DSCAM: variants seen among roughly 807,000 people sequenced by gnomAD.
DSCAM encodes DS cell adhesion molecule, also known as cell adhesion molecule DSCAM.
In DSCAM, 47 loss-of-function variants were observed where a neutral mutation model predicts 217.7. The observed-to-expected ratio is 0.22, with a 90% CI of 0.17 to 0.28. The LOEUF (loss-of-function observed/expected upper bound fraction) is 0.28. DSCAM is among the 10% of genes least tolerant of loss of function. The pLI, the probability that DSCAM is intolerant of heterozygous loss-of-function variation, is 1.00. For missense variants in DSCAM, 2,080 were observed against 2,618.3 expected (o/e 0.79, Z 4.49); for synonymous variants, 1,056 against 1,015.3 (o/e 1.04, Z -0.76).
rs1216972661 is a variant in DSCAM at position 40,078,866 on chromosome 21, A to G, written c.4532T>C (p.Leu1511Pro). 1.9e-6 allele frequency: 3 copies of G among 1,614,162 alleles called. No individual in the cohort carries two copies. Among genetic ancestry groups the G allele is most frequent in the Non-Finnish European group, 1.7e-6 (2 of 1,180,022 alleles). ...TGTGGTCCCAAAGGGCCTGTACTCTAGTGTGAAGGAGGTGATGGGGCAGCC... is the reference window on the plus strand; with the variant it reads ...TGTGGTCCCAAAGGGCCTGTACTCTGGTGTGAAGGAGGTGATGGGGCAGCC... ...DGGCPITSFT[L>P]EYRPFGTTVW... Residue 1511 changes from leucine to proline, a missense_variant, in exon 26 of 33, where the codon CTA (leucine) becomes CCA (proline). Leu to Pro is a moderately conservative substitution (Grantham distance 98). This residue lies in a region of DSCAM where 1,144 missense variants were observed against 1,421.1 expected (regional missense o/e 0.81). Coordinates refer to ENST00000400454, the MANE Select transcript of DSCAM (RefSeq NM_001389.5).
intron 3 of DSCAM, among the ~76,000 whole-genome samples, chr21:40,652,344 CAACAA>C (rs763807575): frequency 0.027 from 986 of 35,942 alleles, 11 homozygotes; most frequent in African/African-American, 0.12. Flanking sequence ...ACAACAACAA[CAACAA>C]AAAAAAAAAA....
At chr21:40,791,570 G>C (rs1019352516) in intron 1 of DSCAM, among the ~76,000 whole-genome samples, 1 of 152,114 alleles carries the variant, frequency 6.6e-6, no homozygotes, top group Non-Finnish European at 1.5e-5. Flanking sequence ...CGGGAATGGC[G>C]TGAACCCAGG....
chr21:40,231,703 A>C (rs1317576059), intron 11 of DSCAM, among the ~76,000 whole-genome samples: 1 of 151,874 alleles, frequency 6.6e-6, no homozygotes, highest in Non-Finnish European at 1.5e-5. Context: ...AGGTCTTGTC[A>C]TGTTTCCCAG....
intron 3 of DSCAM, among the ~76,000 whole-genome samples, chr21:40,661,538 G>A (rs543708806): frequency 8.5e-5 from 13 of 152,266 alleles, no homozygotes; most frequent in Admixed American, 1.3e-4. Context: ...TATTTGAAAG[G>A]TTTTATAATT....
At chr21:40,235,223 A>G (rs1163433943) in intron 11 of DSCAM, among the ~76,000 whole-genome samples, 2 of 152,198 alleles carry the variant, frequency 1.3e-5, no homozygotes, top group African/African-American at 4.8e-5. Context: ...GATGGTGACC[A>G]TAAAATACAA....
Position 40,187,248 on chromosome 21 carries a change from G to A in DSCAM, c.2662C>T (p.Pro888Ser), listed in dbSNP as rs1374787587. ...IQLTVQEPPD[P>S]PEIEIKDVKA... ...ACATCTTTGATCTCAATTTCGGGAG[G>A]GTCTGGGGGCTCTGTGCCATCAACA... Residue 888 changes from proline to serine, a missense_variant, in exon 14 of 33, where the codon CCT becomes TCT. Transcript: ENST00000400454. 1.2e-6 allele frequency: 2 copies of A among 1,613,952 alleles called. No individual in the cohort carries two copies. Among genetic ancestry groups the A allele is most frequent in the Non-Finnish European group, 1.7e-6 (2 of 1,179,908 alleles).
At chr21:40,830,892 A>G (rs2092007074) in intron 1 of DSCAM, among the ~76,000 whole-genome samples, 1 of 152,236 alleles carries the variant, frequency 6.6e-6, no homozygotes, top group Admixed American at 6.5e-5. Context: ...CACAGACAAG[A>G]AGACAAATAT....
At chr21:40,069,847 C>G (rs1460876271) in intron 27 of DSCAM, among the ~76,000 whole-genome samples, 1 of 152,060 alleles carries the variant, frequency 6.6e-6, no homozygotes, top group East Asian at 1.9e-4. Context: ...TCACAATGCT[C>G]AGATGAAAGC....
intron 11 of DSCAM, among the ~76,000 whole-genome samples, chr21:40,198,357 G>T (rs55748941): frequency 1.3e-5 from 2 of 151,892 alleles, no homozygotes; most frequent in Non-Finnish European, 2.9e-5. Flanking sequence ...GGCTGGTCAA[G>T]TGCTGACCCT....
intron 3 of DSCAM, among the ~76,000 whole-genome samples, chr21:40,491,317 C>G (rs540436201): frequency 6.6e-6 from 1 of 152,130 alleles, no homozygotes; most frequent in East Asian, 1.9e-4. Flanking sequence ...CCTACTTATT[C>G]TACCTGCAAA....
At chr21:40,081,918 T>A (rs971870755) in intron 24 of DSCAM, among the ~76,000 whole-genome samples, 4 of 152,162 alleles carry the variant, frequency 2.6e-5, no homozygotes, top group African/African-American at 9.7e-5. Flanking sequence ...TTGTTCTACC[T>A]CTCCCATGCT....
chr21:40,321,050 T>C (rs889359555), intron 8 of DSCAM, among the ~76,000 whole-genome samples: 2 of 152,198 alleles, frequency 1.3e-5, no homozygotes, highest in Non-Finnish European at 2.9e-5. Context: ...CATTACAAAA[T>C]TGAATTATGA....
chr21:40,465,691 T>A (rs189985227), intron 3 of DSCAM, among the ~76,000 whole-genome samples: 2 of 152,186 alleles, frequency 1.3e-5, no homozygotes, highest in African/African-American at 2.4e-5. Flanking sequence ...CATTAGGGTA[T>A]TTTATGAGTG....
intron 19 of DSCAM, 25 bp from the exon 20 acceptor site, chr21:40,124,353 C>T: frequency 6.2e-7 from 1 of 1,612,508 alleles, no homozygotes; most frequent in Non-Finnish European, 8.5e-7. Context: ...TGTTTAGTCA[C>T]AAGGTGGGGC....
intron 15 of DSCAM, among the ~76,000 whole-genome samples, chr21:40,177,863 T>G (rs1210789773): frequency 6.6e-6 from 1 of 152,104 alleles, no homozygotes; most frequent in Non-Finnish European, 1.5e-5. Context: ...CAACCTCTCT[T>G]GAAAGTTGCA....
intron 3 of DSCAM, among the ~76,000 whole-genome samples, chr21:40,563,766 G>A (rs1040457681): frequency 1.7e-5 from 2 of 120,144 alleles, no homozygotes; most frequent in Non-Finnish European, 3.8e-5. Context: ...ATATATGTTT[G>A]TATGTTTATA....
chr21:40,818,532 C>T (rs1402171112), intron 1 of DSCAM, among the ~76,000 whole-genome samples: 1 of 116,914 alleles, frequency 8.6e-6, no homozygotes, highest in African/African-American at 3.3e-5. Context: ...GGCTACACAG[C>T]CAGACTCCGT....
chr21:40,282,877 C>T (rs534653214), intron 10 of DSCAM, among the ~76,000 whole-genome samples: 3 of 152,188 alleles, frequency 2.0e-5, no homozygotes, highest in Admixed American at 1.3e-4. Flanking sequence ...CTGTTTATTC[C>T]TATCTAGACT....
chr21:40,235,465 C>T (rs1359537197), intron 11 of DSCAM, among the ~76,000 whole-genome samples: 9 of 152,170 alleles, frequency 5.9e-5, no homozygotes, highest in Non-Finnish European at 8.8e-5. Context: ...GCTGCTACTT[C>T]GGTCTGTGTA....
Sources: gnomAD v4.1 joint callset for allele counts (sites outside exome capture counted in the v4.1 genomes callset) on GRCh38, gnomAD v4.1.1 for gene constraint, gnomAD v4.1.1 regional missense constraint, MANE v1.5 for transcripts, NCBI Gene and HGNC (gene_info 2026-07-23, HGNC 2026-07-21) for gene names.